Variants in HINFP observed in about 807,000 individuals in gnomAD.
The protein encoded by HINFP is MBD2 (methyl-CpG-binding protein)-interacting zinc finger protein.
Under a neutral mutation model 50.1 loss-of-function variants are expected in HINFP, and 20 were observed. That is an observed-to-expected ratio of 0.40 (90% confidence interval 0.28 to 0.58). HINFP has a LOEUF of 0.58. Among genes scored for constraint, HINFP ranks in the 20% least tolerant of loss-of-function variants. HINFP has a pLI of 0.45. For missense variants in HINFP, 505 were observed against 664.1 expected (o/e 0.76, Z 2.63); for synonymous variants, 247 against 243.7 (o/e 1.01, Z -0.13).
At chr11:119,132,331 C>T (rs1201591753) in intron 5 of HINFP, 165 bp from the exon 6 acceptor site, 1 of 666,300 alleles carries the variant, frequency 1.5e-6, no homozygotes, top group Non-Finnish European at 2.5e-6. Flanking sequence ...AACTCAGGTT[C>T]TCTAAGTCCC....
At chr11:119,130,472 A>C in intron 2 of HINFP, 1 of 489,904 alleles carries the variant, frequency 2.0e-6, no homozygotes, top group South Asian at 2.4e-5. Flanking sequence ...TATTTGATGA[A>C]TATGCTTTCT....
intron 2 of HINFP, among the ~76,000 whole-genome samples, chr11:119,128,151 C>T (rs1288032481): frequency 3.3e-5 from 5 of 152,006 alleles, no homozygotes; most frequent in Admixed American, 3.3e-4. Flanking sequence ...CGCACCTGGC[C>T]CCATCTCTCA....
intron 2 of HINFP, among the ~76,000 whole-genome samples, chr11:119,129,360 A>G (rs526573): frequency 0.54 from 81,090 of 151,342 alleles, 22,805 homozygotes; most frequent in African/African-American, 0.64. Context: ...TTTTTTAGAG[A>G]CAGAGTCTTG....
Position 119,133,219 on chromosome 11 carries a change from G to C in HINFP, c.1139G>C (p.Arg380Pro). The C allele has an allele frequency of 6.2e-7, 1 of 1,613,806 alleles. No homozygotes were observed. Among genetic ancestry groups the C allele is most frequent in the Non-Finnish European group, 8.5e-7 (1 of 1,179,950 alleles). Residue 380 changes from arginine (R) to proline (P), a missense_variant and splice_region_variant, in exon 9 of 10, where the codon CGG (arginine) becomes CCG (proline). Transcript: ENST00000350777. ...TGGCCCTCAGGGCATCCCCGTTTTC[G>C]GTATGTCTCTCAACCCTCCTTCCCA... The part of the protein sequence containing the change: ...FKWPSGHPRF[R>P]YKEHEDGYMR...
chr11:119,133,960 A>T, intron 9 of HINFP, 124 bp from the exon 10 acceptor site: 1 of 1,335,266 alleles, frequency 7.5e-7, no homozygotes, highest in Admixed American at 2.0e-5. Context: ...TTTGTCTTCA[A>T]CTCCTGTCAC....
At chr11:119,126,896 G>A (rs776574294) in intron 1 of HINFP, 39 bp from the exon 2 acceptor site, 17 of 1,559,348 alleles carry the variant, frequency 1.1e-5, no homozygotes, top group Middle Eastern at 2.2e-4. Context: ...GCACCTGGGT[G>A]GAATTCTTGC....
In HINFP at chr11:119,131,620, AC is replaced by A; in HGVS notation, c.500del (p.Pro167ArgfsTer33). 6.2e-7 allele frequency: 1 copy of A among 1,614,070 alleles called. No individual in the cohort carries two copies. On this transcript the variant is annotated frameshift_variant, in exon 4 of 10. Coordinates refer to ENST00000350777, the MANE Select transcript of HINFP (RefSeq NM_198971.3). LOFTEE classifies it high-confidence loss of function. This position sits in a 1 kb window ranked among gnomAD's most constrained non-coding sequence, Gnocchi z 4.2. Reference sequence around the variant, plus strand: ...GAATACGAAGCAGTCGGCAAGGACAACCCGGTGGTGCTGTGTGGCTGGAAAG... The same window carrying A: ...GAATACGAAGCAGTCGGCAAGGACAACCGGTGGTGCTGTGTGGCTGGAAAG... Reference protein sequence around the residue: ...CCEYEAVGKDNPVVLCGWKGC... With the variant: ...CCEYEAVGKDXPVVLCGWKGC...
At chr11:119,132,158 C>A in intron 5 of HINFP, 176 bp downstream of exon 5, 1 of 682,250 alleles carries the variant, frequency 1.5e-6, no homozygotes, top group South Asian at 1.8e-5. Context: ...CATTGTTATT[C>A]AGTACTTACT....
intron 1 of HINFP, chr11:119,124,255 G>C (rs978957346): frequency 3.9e-5 from 6 of 152,164 alleles, no homozygotes; most frequent in African/African-American, 1.4e-4. Flanking sequence ...GGTATAGTGG[G>C]TTCAGAAAAG....
intron 2 of HINFP, among the ~76,000 whole-genome samples, chr11:119,128,295 G>A (rs1413726549): frequency 6.6e-6 from 1 of 151,980 alleles, no homozygotes; most frequent in Admixed American, 6.6e-5. Context: ...TGTGTGTTAA[G>A]TATTGCTGGG....
At chr11:119,126,756 A>C in intron 1 of HINFP, 179 bp from the exon 2 acceptor site, 1 of 555,926 alleles carries the variant, frequency 1.8e-6, no homozygotes, top group East Asian at 3.0e-5. Flanking sequence ...TTCCACAAAC[A>C]CCAGACATCT....
intron 1 of HINFP, chr11:119,124,478 A>G (rs980073495): frequency 3.9e-5 from 6 of 152,156 alleles, no homozygotes; most frequent in Admixed American, 2.0e-4. Flanking sequence ...TCCTCTCTCT[A>G]GCAGAAATTT....
At chr11:119,129,044 A>C (rs959362847) in intron 2 of HINFP, among the ~76,000 whole-genome samples, 3 of 151,658 alleles carry the variant, frequency 2.0e-5, no homozygotes, top group African/African-American at 4.9e-5. Flanking sequence ...GAAAAAAAAA[A>C]CTTTTTTTCA....
chr11:119,124,216 G>C (rs1162853882), intron 1 of HINFP: 1 of 152,230 alleles, frequency 6.6e-6, no homozygotes, highest in East Asian at 1.9e-4. Context: ...TCTTCTCTGA[G>C]GAGGAGAAAA....
At position 119,131,304 on chromosome 11, in the gene HINFP, G is replaced by A; in HGVS notation, c.412-231G>A. 2 of 578,608 alleles carry A rather than the reference G, an allele frequency of 3.5e-6. No homozygotes were observed. The highest frequency in any genetic ancestry group is 5.4e-5 in the Admixed American group (2 of 36,834). 35.8% of individuals were successfully genotyped at this position (578,608 alleles called of 1,614,324 possible). A position where few individuals can be genotyped will look rare whatever the true frequency, so the allele number is the denominator to read the frequency against. Reference sequence around the variant, plus strand: ...AGGTCTGGGTGTGTTGCCCAGGCCGGTCTCGAACTCTTGGCCTCAAGTGAT... The same window carrying A: ...AGGTCTGGGTGTGTTGCCCAGGCCGATCTCGAACTCTTGGCCTCAAGTGAT... On this transcript the variant is annotated intron_variant, in intron 3 of 9. Coordinates refer to ENST00000350777, the MANE Select transcript of HINFP (RefSeq NM_198971.3). The surrounding 1 kb of genome is among the most constrained non-coding windows in gnomAD (Gnocchi z 4.2).
At chr11:119,133,302 C>T (rs1309545857) in intron 9 of HINFP, 83 bp downstream of exon 9, 39 of 1,549,182 alleles carry the variant, frequency 2.5e-5, no homozygotes, top group Non-Finnish European at 3.2e-5. Context: ...TAATTTGGGT[C>T]GGGCGCGGTG....
Position 119,134,754 on chromosome 11 carries a change from G to C in HINFP, c.*256G>C. 2.3e-6 allele frequency: 1 copy of C among 431,426 alleles called. No individual in the cohort carries two copies. Among genetic ancestry groups the C allele is most frequent in the Non-Finnish European group, 4.2e-6 (1 of 240,200 alleles). The allele number at this position is 431,426 out of a possible 1,614,324, so 26.7% of individuals were successfully genotyped here. On this transcript the variant is annotated 3_prime_UTR_variant, in exon 10 of 10. Coordinates refer to ENST00000350777, the MANE Select transcript of HINFP (RefSeq NM_198971.3). The surrounding 1 kb of genome is among the most constrained non-coding windows in gnomAD (Gnocchi z 4.3). ...CCTGGATGTGTGTGTTCTTGTTAAAGAGGCTGTTATCAGGCTTAACCATAA... is the reference window on the plus strand; with the variant it reads ...CCTGGATGTGTGTGTTCTTGTTAAACAGGCTGTTATCAGGCTTAACCATAA...
At chr11:119,123,440 A>G (rs1947198556) in intron 1 of HINFP, among the ~76,000 whole-genome samples, 1 of 152,212 alleles carries the variant, frequency 6.6e-6, no homozygotes, top group African/African-American at 2.4e-5. Context: ...CTTGCATTTC[A>G]TACTGTAATA....
chr11:119,134,738 G>A lies in HINFP; in HGVS notation c.*240G>A. ...GATTCTTTGAGGGGATCCTGGATGT[G>A]TGTGTTCTTGTTAAAGAGGCTGTTA... On this transcript the variant is annotated 3_prime_UTR_variant, in exon 10 of 10. Coordinates refer to ENST00000350777, the MANE Select transcript of HINFP (RefSeq NM_198971.3). The surrounding 1 kb of genome is among the most constrained non-coding windows in gnomAD (Gnocchi z 4.3). 1 of 461,024 alleles carries A rather than the reference G, an allele frequency of 2.2e-6. No individual in the cohort carries two copies. Among genetic ancestry groups the A allele is most frequent in the East Asian group, 3.3e-5 (1 of 30,370 alleles). The allele number at this position is 461,024 out of a possible 1,614,324, so 28.6% of individuals were successfully genotyped here.
Sources: gnomAD v4.1 joint callset for allele counts (sites outside exome capture counted in the v4.1 genomes callset) on GRCh38, gnomAD v4.1.1 for gene constraint, Gnocchi (gnomAD v3.1) non-coding constraint, MANE v1.5 for transcripts, NCBI Gene and HGNC (gene_info 2026-07-23, HGNC 2026-07-21) for gene names.